SPAG16: variants seen among roughly 807,000 people sequenced by gnomAD.
SPAG16 encodes sperm associated antigen 16.
Under a neutral mutation model 80.4 loss-of-function variants are expected in SPAG16, and 86 were observed. The observed-to-expected ratio is 1.07, with a 90% CI of 0.90 to 1.28. The LOEUF (loss-of-function observed/expected upper bound fraction) is 1.28, where lower values mean the gene tolerates loss of function less well. Ranked by LOEUF, SPAG16 falls within the 50% of genes most tolerant of loss-of-function variation. The pLI is 0.00. For synonymous variants in SPAG16, 294 were observed against 265.9 expected (o/e 1.11, Z -1.03); for missense variants, 870 against 765.3 (o/e 1.14, Z -1.61).
chr2:213,604,245 C>G (rs1027579157), intron 10 of SPAG16, among the ~76,000 whole-genome samples: 4 of 152,094 alleles, frequency 2.6e-5, no homozygotes, highest in African/African-American at 9.7e-5. Context: ...TTTAGGGAGG[C>G]CTTTTCTGCG....
Position 214,179,622 on chromosome 2 carries a change from G to A in SPAG16, c.1720+30356G>A, listed in dbSNP as rs145452450. On this transcript the variant is annotated intron_variant, in intron 15 of 15. Transcript: ENST00000331683. The stretch of plus-strand genomic sequence containing the variant: ...GCAAATGTGGCACTAGATAACTTAA[G>A]AGGTGAAATAAAATGAATCCGATAG... 3.2e-3 allele frequency among the ~76,000 whole-genome samples: 486 copies of A among 151,456 alleles called. 7 individuals are homozygous for A. The highest frequency in any genetic ancestry group is 5.1e-3 in the Non-Finnish European group (343 of 67,588).
chr2:213,949,280 C>T (rs1256229496), intron 12 of SPAG16, among the ~76,000 whole-genome samples: 2 of 145,178 alleles, frequency 1.4e-5, no homozygotes, highest in East Asian at 2.1e-4. Context: ...AAGCGATTCT[C>T]GTGCCTCAGC....
At chr2:213,557,302 C>T (rs2059454788) in intron 10 of SPAG16, among the ~76,000 whole-genome samples, 1 of 152,104 alleles carries the variant, frequency 6.6e-6, no homozygotes, top group South Asian at 2.1e-4. Flanking sequence ...CATACACATG[C>T]ACAACATATG....
At chr2:214,113,827 ACTTGT>A (rs1212503250) in intron 14 of SPAG16, among the ~76,000 whole-genome samples, 1 of 152,164 alleles carries the variant, frequency 6.6e-6, no homozygotes, top group East Asian at 1.9e-4. Context: ...ACTTCTGCCA[ACTTGT>A]CAAAGTCTTT....
chr2:213,741,797 A>G (rs925846067), intron 10 of SPAG16, among the ~76,000 whole-genome samples: 2 of 152,146 alleles, frequency 1.3e-5, no homozygotes, highest in Non-Finnish European at 2.9e-5. Flanking sequence ...TATTAACTCA[A>G]ATTGGATTTG....
At chr2:214,145,412 C>A (rs1475315976) in intron 14 of SPAG16, among the ~76,000 whole-genome samples, 1 of 151,872 alleles carries the variant, frequency 6.6e-6, no homozygotes, top group African/African-American at 2.4e-5. Context: ...ATACATTTTT[C>A]TTTAATTTAT....
At chr2:213,781,954 G>A (rs1486388263) in intron 10 of SPAG16, among the ~76,000 whole-genome samples, 1 of 152,118 alleles carries the variant, frequency 6.6e-6, no homozygotes, top group Non-Finnish European at 1.5e-5. Context: ...GCTAATAGAG[G>A]CACGTTTTCT....
intron 10 of SPAG16, among the ~76,000 whole-genome samples, chr2:213,669,259 T>G (rs1324056321): frequency 6.6e-6 from 1 of 152,242 alleles, no homozygotes; most frequent in Non-Finnish European, 1.5e-5. Context: ...AAACTGTGAC[T>G]CATATCAGTA....
At chr2:214,098,238 C>T (rs922460941) in intron 13 of SPAG16, among the ~76,000 whole-genome samples, 7 of 151,926 alleles carry the variant, frequency 4.6e-5, no homozygotes, top group African/African-American at 1.5e-4. Context: ...GTTCTAATGG[C>T]TATTGTATTC....
intron 15 of SPAG16, among the ~76,000 whole-genome samples, chr2:214,216,057 G>C (rs2058423750): frequency 6.6e-6 from 1 of 152,172 alleles, no homozygotes; most frequent in Admixed American, 6.5e-5. Flanking sequence ...GCAGGAATTT[G>C]AAATTCATGC....
chr2:213,536,441 A>G (rs1410787493), intron 10 of SPAG16, among the ~76,000 whole-genome samples: 2 of 152,172 alleles, frequency 1.3e-5, no homozygotes, highest in Non-Finnish European at 1.5e-5. Context: ...TTACTGTCCC[A>G]CCAACAGTGT....
chr2:213,617,186 G>A (rs1227683317), intron 10 of SPAG16, among the ~76,000 whole-genome samples: 1 of 152,176 alleles, frequency 6.6e-6, no homozygotes, highest in South Asian at 2.1e-4. Flanking sequence ...ACTATTGATT[G>A]AAGCTAATTG....
chr2:213,574,230 C>A (rs1254551988), intron 10 of SPAG16, among the ~76,000 whole-genome samples: 2 of 152,096 alleles, frequency 1.3e-5, no homozygotes, highest in Non-Finnish European at 2.9e-5. Context: ...TTCATCAGCC[C>A]TGCTGGGACT....
At chr2:213,605,710 G>T (rs946839675) in intron 10 of SPAG16, among the ~76,000 whole-genome samples, 4 of 151,988 alleles carry the variant, frequency 2.6e-5, no homozygotes, top group African/African-American at 9.7e-5. Flanking sequence ...AGGATGGTCT[G>T]CATCTCCTGA....
chr2:213,365,070 C>T (rs1331421654), intron 8 of SPAG16: 1 of 152,114 alleles, frequency 6.6e-6, no homozygotes, highest in African/African-American at 2.4e-5. Flanking sequence ...AAAATTAAGC[C>T]TAGGATTTTA....
At chr2:214,245,454 G>A (rs150700461) in intron 15 of SPAG16, among the ~76,000 whole-genome samples, 80 of 151,740 alleles carry the variant, frequency 5.3e-4, no homozygotes, top group African/African-American at 1.9e-3. Flanking sequence ...GTTTAAAAAA[G>A]GTATTAAAGA....
chr2:213,955,078 C>G (rs1487494650), intron 12 of SPAG16, among the ~76,000 whole-genome samples: 2 of 151,880 alleles, frequency 1.3e-5, no homozygotes, highest in East Asian at 3.9e-4. Context: ...AAATAATTTT[C>G]AAATTTTTTC....
intron 5 of SPAG16, among the ~76,000 whole-genome samples, chr2:213,338,183 A>T (rs990612471): frequency 2.6e-5 from 4 of 152,180 alleles, no homozygotes; most frequent in African/African-American, 7.2e-5. Context: ...ATTCATCACC[A>T]CCAGGCCTGC....
At chr2:213,316,749 A>G (rs2063415473) in intron 4 of SPAG16, among the ~76,000 whole-genome samples, 1 of 151,836 alleles carries the variant, frequency 6.6e-6, no homozygotes, top group Non-Finnish European at 1.5e-5. Context: ...ACAGTCCCTC[A>G]TTTCCTTTAG....
Sources: gnomAD v4.1 joint callset for allele counts (sites outside exome capture counted in the v4.1 genomes callset) on GRCh38, gnomAD v4.1.1 for gene constraint, MANE v1.5 for transcripts, NCBI Gene and HGNC (gene_info 2026-07-23, HGNC 2026-07-21) for gene names.